Variants in OAS1 observed in about 807,000 individuals in gnomAD.
OAS1 encodes the protein 2'-5'-oligoadenylate synthase 1.
OAS1 carries 24 observed loss-of-function variants against 38.5 expected under a neutral mutation model. The observed-to-expected ratio is 0.62, with a 90% confidence interval of 0.45 to 0.88. OAS1 has a LOEUF of 0.88. Ranked by LOEUF, OAS1 falls within the 40% of genes least tolerant of loss-of-function variation. The pLI is 0.00. For synonymous variants in OAS1, 169 were observed against 193.9 expected (o/e 0.87, Z 1.07); for missense variants, 482 against 493.9 (o/e 0.98, Z 0.23).
At position 112,916,662 on chromosome 12, in the gene OAS1, A is replaced by G; in HGVS notation, c.808A>G (p.Ile270Val). The change falls in exon 4 of 6, where the codon ATC becomes GTC. Residue 270 changes from isoleucine (I) to valine (V), a missense_variant. Ile to Val is a conservative substitution (Grantham distance 29). Transcript: ENST00000202917. ...AGTCATAAACTACCAGCAACTCTGCATCTACTGGACAAAGTATTATGACTT... is the reference window on the plus strand; with the variant it reads ...AGTCATAAACTACCAGCAACTCTGCGTCTACTGGACAAAGTATTATGACTT... ...ELVINYQQLC[I>V]YWTKYYDFKN... 6.2e-7 allele frequency: 1 copy of G among 1,614,202 alleles called. No homozygotes were observed. Among genetic ancestry groups the G allele is most frequent in the Non-Finnish European group, 8.5e-7 (1 of 1,180,044 alleles).
At chr12:112,918,732 T>A (rs1166093639) in intron 5 of OAS1, 1 of 440,230 alleles carries the variant, frequency 2.3e-6, no homozygotes, top group Non-Finnish European at 4.6e-6. Flanking sequence ...CCTTGTCACA[T>A]CCCCACCTCT....
chr12:112,911,041 G>A lies in OAS1; in HGVS notation c.470-10G>A. The stretch of plus-strand genomic sequence containing the variant: ...AGCTGACACCTAAGTTGTAGATTTT[G>A]CCCGAACAGGTCAGTTGACTGGCGG... On this transcript the variant is annotated splice_polypyrimidine_tract_variant and intron_variant, in intron 2 of 5. Coordinates refer to ENST00000202917, the MANE Select transcript of OAS1 (RefSeq NM_016816.4). The A allele has an allele frequency of 1.9e-6, 3 of 1,611,550 alleles. No individual in the cohort carries two copies. Among genetic ancestry groups the A allele is most frequent in the African/African-American group, 1.3e-5 (1 of 74,954 alleles).
downstream of OAS1, among the ~76,000 whole-genome samples, chr12:112,920,539 T>C (rs2043522717): frequency 6.6e-6 from 1 of 152,234 alleles, no homozygotes; most frequent in Non-Finnish European, 1.5e-5. Flanking sequence ...ATCATACATG[T>C]GGCTTGTGTT....
intron 3 of OAS1, 21 bp from the exon 4 acceptor site, chr12:112,916,488 G>T (rs1234935156): frequency 1.9e-6 from 3 of 1,601,684 alleles, no homozygotes; most frequent in South Asian, 2.2e-5. Flanking sequence ...ATTTTTTTCT[G>T]ATTGTTTTTC....
chr12:112,919,434 T>C lies in OAS1; in HGVS notation c.1084T>C (p.Tyr362His), dbSNP rs2043510248. The C allele has an allele frequency of 6.2e-7, 1 of 1,614,120 alleles. No individual in the cohort carries two copies. Among genetic ancestry groups the C allele is most frequent in the East Asian group, 2.2e-5 (1 of 44,878 alleles). ...CGATGAGACCGACGATCCCAGGAGGTATCAGAAATATGGTTACATTGGAAC... is the reference window on the plus strand; with the variant it reads ...CGATGAGACCGACGATCCCAGGAGGCATCAGAAATATGGTTACATTGGAAC... ...ADDETDDPRR[Y>H]QKYGYIGTHE... The change falls in exon 6 of 6, where the codon TAT becomes CAT. Residue 362 changes from tyrosine (Y) to histidine (H), a missense_variant. Physicochemically the swap from Tyr to His is moderately conservative, Grantham distance 83. Transcript: ENST00000202917.
chr12:112,911,298 G>A, intron 3 of OAS1, 63 bp downstream of exon 3: 2 of 1,361,386 alleles, frequency 1.5e-6, no homozygotes, highest in African/African-American at 1.5e-5. Flanking sequence ...AGGGGTGGGG[G>A]GAGGAGAGAA....
chr12:112,908,632 A>C lies in OAS1; in HGVS notation c.277A>C (p.Asn93His), dbSNP rs772369981. Residue 93 changes from asparagine to histidine, a missense_variant, in exon 2 of 6, where the codon AAT becomes CAT. By Grantham distance (68) the Asn-to-His change is moderately conservative. Coordinates refer to ENST00000202917, the MANE Select transcript of OAS1 (RefSeq NM_016816.4). ...SPLTTFQDQLNRRGEFIQEIR... is the reference protein window; with the variant it reads ...SPLTTFQDQLHRRGEFIQEIR... ...TCTCACCACTTTTCAGGATCAGTTAAATCGCCGGGGAGAGTTCATCCAGGA... is the reference window on the plus strand; with the variant it reads ...TCTCACCACTTTTCAGGATCAGTTACATCGCCGGGGAGAGTTCATCCAGGA... The C allele has an allele frequency of 1.9e-6, 3 of 1,614,190 alleles. No individual in the cohort carries two copies. The Admixed American group carries it at 5.0e-5, about 27-fold the overall frequency.
intron 5 of OAS1, chr12:112,918,300 G>A (rs114970130): frequency 2.0e-3 from 366 of 185,094 alleles, no homozygotes; most frequent in African/African-American, 8.4e-3. Flanking sequence ...TCGGATAATG[G>A]CCTCCAGCTG....
At chr12:112,926,658 G>T (rs1346560297) in intron 6 of OAS1, among the ~76,000 whole-genome samples, 4 of 152,176 alleles carry the variant, frequency 2.6e-5, no homozygotes, top group African/African-American at 9.6e-5. Flanking sequence ...AGATCACAAG[G>T]TCAGGGCAAA....
At position 112,919,877 on chromosome 12, in the gene OAS1, A is replaced by G. The variant is rs2043518173; in HGVS notation, c.*324A>G. The G allele has an allele frequency of 7.7e-6, 6 of 782,212 alleles. No homozygotes were observed. The highest frequency in any genetic ancestry group is 6.2e-5 in the Admixed American group (2 of 32,106). 48.5% of individuals were successfully genotyped at this position (782,212 alleles called of 1,614,324 possible). A position where few individuals can be genotyped will look rare whatever the true frequency, so the allele number is the denominator to read the frequency against. On this transcript the variant is annotated 3_prime_UTR_variant, in exon 6 of 6. Transcript: ENST00000202917. Reference sequence around the variant, plus strand: ...GAGGGTAATGTCTAATGTATTATCAATAACAATAAAAATAAAGCAAATACC... The same window carrying G: ...GAGGGTAATGTCTAATGTATTATCAGTAACAATAAAAATAAAGCAAATACC...
rs372433785 is a variant in OAS1 at position 112,907,510 on chromosome 12, G to C, written c.180+291G>C. The C allele has an allele frequency of 1.7e-4, 55 of 332,720 alleles. 1 individual carries two copies. The highest frequency in any genetic ancestry group is 1.6e-3 in the South Asian group (21 of 13,506). The allele number at this position is 332,720 out of a possible 1,614,324, so 20.6% of individuals were successfully genotyped here. On this transcript the variant is annotated intron_variant, in intron 1 of 5. Coordinates refer to ENST00000202917, the MANE Select transcript of OAS1 (RefSeq NM_016816.4). ...TGGGCGATGCCCATTTCAGAAATAG[G>C]GAACTGAATCCCAGCTCTGGTAAAC...
chr12:112,928,810 C>T (rs1386645662), intron 6 of OAS1, among the ~76,000 whole-genome samples: 5 of 152,214 alleles, frequency 3.3e-5, no homozygotes, highest in Non-Finnish European at 7.3e-5. Flanking sequence ...CATCCCATGG[C>T]AAAGCATGGA....
intron 6 of OAS1, among the ~76,000 whole-genome samples, chr12:112,926,710 A>G (rs1163729042): frequency 6.6e-6 from 1 of 152,214 alleles, no homozygotes; most frequent in African/African-American, 2.4e-5. Context: ...CTGTGCATGC[A>G]TTGTCATTGA....
rs1175367607 is a variant in OAS1 at position 112,916,770 on chromosome 12, A to G, written c.884+32A>G. The G allele has an allele frequency of 1.8e-5, 27 of 1,500,894 alleles. No individual in the cohort carries two copies. The Admixed American group carries it at 3.7e-4, about 20-fold the overall frequency. The allele number at this position is 1,500,894 out of a possible 1,614,324, so 93.0% of individuals were successfully genotyped here. A position where few individuals can be genotyped will look rare whatever the true frequency, so the allele number is the denominator to read the frequency against. The stretch of plus-strand genomic sequence containing the variant: ...TATCCCCACATGGCTTAGCTCCCCT[A>G]TGTAAATGAACACCTGGATACAGGT... On this transcript the variant is annotated intron_variant, in intron 4 of 5. Coordinates refer to ENST00000202917, the MANE Select transcript of OAS1 (RefSeq NM_016816.4).
chr12:112,910,524 G>A (rs1322176042), intron 2 of OAS1, among the ~76,000 whole-genome samples: 1 of 152,112 alleles, frequency 6.6e-6, no homozygotes, highest in Non-Finnish European at 1.5e-5. Context: ...GAGAAGGAGT[G>A]AGCCTTGGGG....
At chr12:112,915,765 T>C (rs1326952555) in intron 3 of OAS1, among the ~76,000 whole-genome samples, 1 of 152,234 alleles carries the variant, frequency 6.6e-6, no homozygotes, top group East Asian at 1.9e-4. Flanking sequence ...GGGATGTGTT[T>C]CCATTTGTTT....
downstream of OAS1, chr12:112,932,891 C>A (rs960479894): frequency 1.3e-5 from 2 of 152,266 alleles, no homozygotes; most frequent in Non-Finnish European, 2.9e-5. Flanking sequence ...TTAAGCTCCA[C>A]AGGCACACAT....
intron 3 of OAS1, among the ~76,000 whole-genome samples, chr12:112,914,994 C>T (rs1048363975): frequency 1.4e-5 from 2 of 147,894 alleles, no homozygotes; most frequent in Admixed American, 6.9e-5. Context: ...CTTGCTGATT[C>T]GTTTGAGTTC....
downstream of OAS1, among the ~76,000 whole-genome samples, chr12:112,924,456 C>T (rs1307274632): frequency 4.4e-5 from 4 of 91,320 alleles, no homozygotes; most frequent in South Asian, 1.1e-3. Context: ...GGAAGAATAA[C>T]ATCTATATTT....
Sources: allele counts gnomAD v4.1 joint callset (sites outside exome capture counted in the v4.1 genomes callset), GRCh38; gene constraint gnomAD v4.1.1; transcripts MANE v1.5; gene names NCBI Gene and HGNC (gene_info 2026-07-23, HGNC 2026-07-21).